DLG2: variants seen among roughly 807,000 people sequenced by gnomAD.
DLG2 encodes discs large MAGUK scaffold protein 2.
In DLG2, 45 loss-of-function variants were observed where a neutral mutation model predicts 132.5. The ratio of observed to expected loss-of-function variants is 0.34; its 90% CI spans 0.27 to 0.44. DLG2 has a LOEUF of 0.44. Ranked by LOEUF, DLG2 falls within the 20% of genes least tolerant of loss-of-function variation. The pLI, the probability that DLG2 is intolerant of heterozygous loss-of-function variation, is 1.00. For synonymous variants in DLG2, 424 were observed against 419.6 expected, an observed-to-expected ratio of 1.01 and a Z score of -0.13; for missense variants, 1,045 against 1,196.9, an observed-to-expected ratio of 0.87 and a Z score of 1.87.
chr11:84,427,130 G>A (rs1435152115), intron 7 of DLG2, among the ~76,000 whole-genome samples: 2 of 152,080 alleles, frequency 1.3e-5, no homozygotes, highest in Non-Finnish European at 2.9e-5. Flanking sequence ...GGATAGTAGA[G>A]TAAGAGGCAT....
At chr11:84,230,979 C>T (rs2097084373) in intron 8 of DLG2, among the ~76,000 whole-genome samples, 1 of 152,170 alleles carries the variant, frequency 6.6e-6, no homozygotes, top group Non-Finnish European at 1.5e-5. Flanking sequence ...AATTAACTAC[C>T]TCAGAATATA....
intron 15 of DLG2, among the ~76,000 whole-genome samples, chr11:83,922,968 A>G (rs1376301349): frequency 6.6e-6 from 1 of 152,162 alleles, no homozygotes; most frequent in Non-Finnish European, 1.5e-5. Flanking sequence ...AGTATCTCAT[A>G]TAAGTATAAA....
At chr11:83,819,146 C>A (rs1238053927) in intron 17 of DLG2, among the ~76,000 whole-genome samples, 5 of 152,068 alleles carry the variant, frequency 3.3e-5, no homozygotes, top group Non-Finnish European at 7.4e-5. Context: ...AGTTCCCGCT[C>A]AGCATGGAGG....
intron 3 of DLG2, among the ~76,000 whole-genome samples, chr11:85,314,129 T>TA (rs531730491): frequency 1.5e-3 from 231 of 152,126 alleles, no homozygotes; most frequent in African/African-American, 5.3e-3. Flanking sequence ...ATTGAGAACA[T>TA]ACAATATGCC....
At chr11:84,266,224 T>C (rs1200625031) in intron 7 of DLG2, among the ~76,000 whole-genome samples, 1 of 152,166 alleles carries the variant, frequency 6.6e-6, no homozygotes, top group East Asian at 1.9e-4. Context: ...AGACCGGTAG[T>C]CAAAGAAAAT....
At chr11:84,705,848 T>C (rs780272163) in intron 6 of DLG2, among the ~76,000 whole-genome samples, 2 of 151,834 alleles carry the variant, frequency 1.3e-5, no homozygotes, top group East Asian at 1.9e-4. Context: ...TAGGTCTCAA[T>C]TGCCTAAATA....
At chr11:83,872,057 C>T (rs1197678004) in intron 16 of DLG2, among the ~76,000 whole-genome samples, 2 of 151,898 alleles carry the variant, frequency 1.3e-5, no homozygotes, top group Non-Finnish European at 2.9e-5. Context: ...CAAGGTCAGG[C>T]GTTTGAGACC....
chr11:84,766,484 C>G (rs1434091643), intron 6 of DLG2, among the ~76,000 whole-genome samples: 1 of 151,978 alleles, frequency 6.6e-6, no homozygotes, highest in Non-Finnish European at 1.5e-5. Flanking sequence ...ATGGATGCTG[C>G]TTAGAACACC....
chr11:83,806,854 T>C (rs1006086948), intron 17 of DLG2, among the ~76,000 whole-genome samples: 2 of 152,160 alleles, frequency 1.3e-5, no homozygotes, highest in Non-Finnish European at 1.5e-5. Context: ...GTGAAAACGA[T>C]GTAAACTAGA....
chr11:84,406,842 C>T (rs1346773637), intron 7 of DLG2, among the ~76,000 whole-genome samples: 1 of 152,120 alleles, frequency 6.6e-6, no homozygotes, highest in African/African-American at 2.4e-5. Flanking sequence ...ATACTTTGAA[C>T]TTGGTAAACC....
chr11:83,835,213 G>A (rs1434263046), intron 16 of DLG2, among the ~76,000 whole-genome samples: 1 of 152,162 alleles, frequency 6.6e-6, no homozygotes, highest in Non-Finnish European at 1.5e-5. Context: ...CAGGTGCTCA[G>A]AATGTTTGCA....
chr11:83,786,403 A>C, intron 18 of DLG2: 1 of 328,206 alleles, frequency 3.0e-6, no homozygotes, highest in South Asian at 4.4e-5. Flanking sequence ...TGGTGACCGA[A>C]AGTGTGTACC....
intron 10 of DLG2, among the ~76,000 whole-genome samples, chr11:84,086,363 C>T (rs1198049947): frequency 6.6e-6 from 1 of 152,150 alleles, no homozygotes; most frequent in Non-Finnish European, 1.5e-5. Context: ...ATATAATTCA[C>T]ATACTTTAAA....
intron 3 of DLG2, among the ~76,000 whole-genome samples, chr11:85,374,747 C>A (rs2085270240): frequency 6.6e-6 from 1 of 152,168 alleles, no homozygotes; most frequent in African/African-American, 2.4e-5. Flanking sequence ...TACAAAGAAT[C>A]TTCTATCATT....
At chr11:85,396,116 T>A (rs531284454) in intron 3 of DLG2, among the ~76,000 whole-genome samples, 1 of 152,234 alleles carries the variant, frequency 6.6e-6, no homozygotes, top group African/African-American at 2.4e-5. Flanking sequence ...CCGCTGGTGA[T>A]ACCCAGTCAA....
At chr11:85,064,785 G>T (rs58617816) in intron 6 of DLG2, among the ~76,000 whole-genome samples, 11,527 of 151,332 alleles carry the variant, frequency 0.076, 550 homozygotes, top group South Asian at 0.22. Context: ...TTAATTAAAG[G>T]CCTTAAGAGC....
intron 6 of DLG2, among the ~76,000 whole-genome samples, chr11:84,729,947 G>C (rs1434401903): frequency 1.3e-5 from 2 of 151,912 alleles, no homozygotes; most frequent in Non-Finnish European, 2.9e-5. Flanking sequence ...TTTTGTTTTA[G>C]CACCAAGTGT....
At position 84,114,147 on chromosome 11, in the gene DLG2, A is replaced by C. The variant is rs145763460; in HGVS notation, c.625-15100T>G. On this transcript the variant is annotated intron_variant, in intron 9 of 27. Coordinates refer to ENST00000376104, the MANE Select transcript of DLG2 (RefSeq NM_001142699.3). The stretch of plus-strand genomic sequence containing the variant: ...ATGGGTTTATTATTATTTATAAATA[A>C]ATTATTACTTATAAAAAATTTCAGT... Among the ~76,000 whole-genome samples the C allele has an allele frequency of 3.0e-3, 460 of 152,046 alleles. 3 individuals carry two copies. Among genetic ancestry groups the C allele is most frequent in the African/African-American group, 0.01 (436 of 41,528 alleles).
chr11:85,101,880 G>A (rs937563836), intron 6 of DLG2, among the ~76,000 whole-genome samples: 2 of 152,026 alleles, frequency 1.3e-5, no homozygotes, highest in Non-Finnish European at 2.9e-5. Flanking sequence ...AGGTCATGCT[G>A]AATTTCTAAA....
Sources: allele counts gnomAD v4.1 joint callset (sites outside exome capture counted in the v4.1 genomes callset), GRCh38; gene constraint gnomAD v4.1.1; transcripts MANE v1.5; gene names NCBI Gene and HGNC (gene_info 2026-07-23, HGNC 2026-07-21).